The following CHCHD3 variants were observed in gnomAD, a reference collection of about 807,000 sequenced individuals.
The protein encoded by CHCHD3 is coiled-coil-helix-coiled-coil-helix domain containing 3, also known as MICOS complex subunit MIC19.
In CHCHD3, 20 loss-of-function variants were observed where a neutral mutation model predicts 38.2. The ratio of observed to expected loss-of-function variants is 0.52; its 90% confidence interval spans 0.37 to 0.76. The LOEUF is 0.76. Ranked by LOEUF, CHCHD3 falls within the 30% of genes least tolerant of loss-of-function variation. CHCHD3 has a pLI of 0.00. For synonymous variants in CHCHD3, 82 were observed against 100.0 expected, an observed-to-expected ratio of 0.82 and a Z score of 1.07; for missense variants, 245 against 279.2, an observed-to-expected ratio of 0.88 and a Z score of 0.87.
At chr7:133,071,159 T>A (rs1280565423) in intron 1 of CHCHD3, among the ~76,000 whole-genome samples, 1 of 152,202 alleles carries the variant, frequency 6.6e-6, no homozygotes, top group African/African-American at 2.4e-5. Flanking sequence ...TTATTTTCTT[T>A]ACAGCACTTA....
chr7:133,019,182 C>T (rs1813113686), intron 3 of CHCHD3, among the ~76,000 whole-genome samples: 1 of 152,082 alleles, frequency 6.6e-6, no homozygotes, highest in Admixed American at 6.6e-5. Context: ...CAGGCCCAGC[C>T]ACATGATTTC....
intron 2 of CHCHD3, among the ~76,000 whole-genome samples, chr7:133,052,498 T>C (rs933027222): frequency 4.6e-5 from 7 of 152,242 alleles, no homozygotes; most frequent in African/African-American, 1.7e-4. Context: ...TGACCAGCCA[T>C]GCCAGCCCTG....
intron 5 of CHCHD3, among the ~76,000 whole-genome samples, chr7:132,839,059 G>T (rs1163607421): frequency 6.6e-6 from 1 of 152,016 alleles, no homozygotes; most frequent in Admixed American, 6.6e-5. Context: ...GGGCATGGTG[G>T]CACATGCCTG....
intron 6 of CHCHD3, among the ~76,000 whole-genome samples, chr7:132,823,430 G>C (rs993901154): frequency 6.6e-6 from 1 of 152,064 alleles, no homozygotes; most frequent in Non-Finnish European, 1.5e-5. Context: ...CAATATACTA[G>C]AATAAAAGTT....
intron 6 of CHCHD3, among the ~76,000 whole-genome samples, chr7:132,813,896 A>G (rs896696385): frequency 2.0e-5 from 3 of 152,164 alleles, no homozygotes; most frequent in African/African-American, 7.2e-5. Context: ...ATAAACCTAC[A>G]TATCTTTTCT....
intron 3 of CHCHD3, among the ~76,000 whole-genome samples, chr7:133,015,709 C>T (rs1474431438): frequency 6.6e-6 from 1 of 152,160 alleles, no homozygotes; most frequent in Non-Finnish European, 1.5e-5. Context: ...CAAATCCGAG[C>T]CCCACCACTT....
chr7:132,947,791 C>A (rs1278905568), intron 4 of CHCHD3, among the ~76,000 whole-genome samples: 1 of 151,510 alleles, frequency 6.6e-6, no homozygotes. Flanking sequence ...ATGTTAAACT[C>A]CAAATTTAAA....
intron 6 of CHCHD3, among the ~76,000 whole-genome samples, chr7:132,806,831 G>A (rs1806932091): frequency 6.6e-6 from 1 of 152,134 alleles, no homozygotes; most frequent in Non-Finnish European, 1.5e-5. Flanking sequence ...TTAAAAGTTA[G>A]GATGTCAGGG....
At chr7:132,885,577 G>A in intron 5 of CHCHD3, 85 bp downstream of exon 5, 1 of 1,077,702 alleles carries the variant, frequency 9.3e-7, no homozygotes. Flanking sequence ...AAAAGCAGTT[G>A]AAGTTCTAAT....
At chr7:132,864,308 G>C (rs1212018674) in intron 5 of CHCHD3, among the ~76,000 whole-genome samples, 1 of 152,124 alleles carries the variant, frequency 6.6e-6, no homozygotes, top group Non-Finnish European at 1.5e-5. Context: ...AAAGAGATGG[G>C]GAAATGGCTG....
At chr7:132,944,121 T>C (rs1328700778) in intron 4 of CHCHD3, among the ~76,000 whole-genome samples, 1 of 151,990 alleles carries the variant, frequency 6.6e-6, no homozygotes, top group African/African-American at 2.4e-5. Flanking sequence ...AGAAAATAAG[T>C]CATCAATATC....
At chr7:132,919,034 G>C (rs889790565) in intron 4 of CHCHD3, among the ~76,000 whole-genome samples, 1 of 148,852 alleles carries the variant, frequency 6.7e-6, no homozygotes, top group African/African-American at 2.5e-5. Flanking sequence ...TCAGATAAGA[G>C]CTTATACTGT....
intron 5 of CHCHD3, among the ~76,000 whole-genome samples, chr7:132,841,766 T>C (rs1033376734): frequency 6.6e-6 from 1 of 152,120 alleles, no homozygotes; most frequent in South Asian, 2.1e-4. Flanking sequence ...TTTTTAAAAA[T>C]GAGGTGTGGG....
chr7:132,914,698 G>A (rs533972707), intron 4 of CHCHD3, among the ~76,000 whole-genome samples: 11 of 152,128 alleles, frequency 7.2e-5, no homozygotes, highest in Non-Finnish European at 1.6e-4. Context: ...CAGACCCAAC[G>A]TGCCTTACAT....
chr7:132,827,379 T>C (rs545501609), intron 6 of CHCHD3, among the ~76,000 whole-genome samples: 1 of 152,340 alleles, frequency 6.6e-6, no homozygotes, highest in African/African-American at 2.4e-5. Flanking sequence ...ATATATACTA[T>C]ACATAGCCTG....
intron 3 of CHCHD3, among the ~76,000 whole-genome samples, chr7:132,979,226 GA>G: frequency 6.8e-6 from 1 of 146,744 alleles, no homozygotes; most frequent in South Asian, 2.1e-4. Flanking sequence ...AAATAAAACA[GA>G]GGGGCATTAT....
chr7:133,037,281 A>G (rs771747611), intron 2 of CHCHD3, among the ~76,000 whole-genome samples: 3 of 152,212 alleles, frequency 2.0e-5, no homozygotes, highest in Admixed American at 6.5e-5. Flanking sequence ...GATTTAGACA[A>G]TGAGGGAGAA....
intron 4 of CHCHD3, among the ~76,000 whole-genome samples, chr7:132,917,615 T>C (rs1295749319): frequency 6.6e-6 from 1 of 152,132 alleles, no homozygotes; most frequent in African/African-American, 2.4e-5. Flanking sequence ...TCTCGGCACT[T>C]TGAGAGGCTG....
intron 2 of CHCHD3, among the ~76,000 whole-genome samples, chr7:133,050,422 G>A (rs1353154053): frequency 7.1e-6 from 1 of 140,620 alleles, no homozygotes; most frequent in Non-Finnish European, 1.5e-5. Flanking sequence ...AGGATAGACA[G>A]TAGAGCACAC....
Sources: allele counts gnomAD v4.1 joint callset (sites outside exome capture counted in the v4.1 genomes callset), GRCh38; gene constraint gnomAD v4.1.1; transcripts MANE v1.5; gene names NCBI Gene and HGNC (gene_info 2026-07-23, HGNC 2026-07-21).